The following PSTPIP1 variants were observed in gnomAD, a reference collection of about 807,000 sequenced individuals.
PSTPIP1 encodes the protein proline-serine-threonine phosphatase interacting protein 1.
Under a neutral mutation model 69.6 loss-of-function variants are expected in PSTPIP1, and 66 were observed. The ratio of observed to expected loss-of-function variants is 0.95; its 90% CI spans 0.78 to 1.16. The LOEUF is 1.16. Ranked by LOEUF, PSTPIP1 falls within the 50% of genes most tolerant of loss-of-function variation. The pLI is 0.00. For missense variants in PSTPIP1, 603 were observed against 557.4 expected (o/e 1.08, Z -0.82); for synonymous variants, 266 against 222.7 (o/e 1.19, Z -1.73).
intron 1 of PSTPIP1, among the ~76,000 whole-genome samples, chr15:77,006,111 T>C (rs950214666): frequency 4.6e-5 from 7 of 152,200 alleles, no homozygotes. Flanking sequence ...TTGCTCCATA[T>C]CTTTGCCAAC....
chr15:76,994,691 G>A (rs2075537056), upstream of PSTPIP1: 20 of 1,203,762 alleles, frequency 1.7e-5, no homozygotes, highest in Non-Finnish European at 2.2e-5. Context: ...CCTTGCCTCT[G>A]TGTGCTCACA....
intron 1 of PSTPIP1, among the ~76,000 whole-genome samples, chr15:76,998,296 T>C (rs1052631584): frequency 1.3e-5 from 2 of 152,178 alleles, no homozygotes; most frequent in Admixed American, 1.3e-4. Flanking sequence ...CCTCAGTTAT[T>C]GGGCAACCTC....
Position 77,035,363 on chromosome 15 carries a change from G to A in PSTPIP1, c.930-145G>A, listed in dbSNP as rs2076533791. 3.6e-6 allele frequency: 3 copies of A among 837,530 alleles called. No homozygotes were observed. The African/African-American group carries it at 5.1e-5, about 14-fold the overall frequency. The allele number at this position is 837,530 out of a possible 1,614,324, so 51.9% of individuals were successfully genotyped here. ...CCTGCCTGAGGGGCACCTCATAAAT[G>A]ACATCCATGCCTGGAGGCTAGGGGC... On this transcript the variant is annotated intron_variant, in intron 12 of 14. Transcript: ENST00000558012.
chr15:77,000,155 A>G (rs1357003410), intron 1 of PSTPIP1, among the ~76,000 whole-genome samples: 1 of 152,160 alleles, frequency 6.6e-6, no homozygotes, highest in African/African-American at 2.4e-5. Context: ...CCCCAAGCCC[A>G]TTTAACAGGT....
chr15:77,018,210 G>A lies in PSTPIP1; in HGVS notation c.99G>A (p.Arg33=). The change falls in exon 2 of 15, where the codon AGG becomes AGA. Residue 33 remains arginine (R), a synonymous_variant. Transcript: ENST00000558012. ...EVLLQRLLDG[R]KMCKDMEELL... is the part of the protein sequence containing the mutation. ...TGCTGCAGCGGCTTCTGGATGGCAG[G>A]AAGATGTGCAAAGACATGGAGGAGC... is the stretch of plus-strand genomic sequence containing the variant. The A allele has an allele frequency of 2.5e-6, 4 of 1,589,036 alleles. No individual in the cohort carries two copies. Among genetic ancestry groups the A allele is most frequent in the Non-Finnish European group, 3.4e-6 (4 of 1,168,722 alleles).
chr15:77,018,531 A>G lies in PSTPIP1; in HGVS notation c.212A>G (p.Asn71Ser), dbSNP rs961668608. 6 of 1,561,610 alleles carry G rather than the reference A, an allele frequency of 3.8e-6. No individual in the cohort carries two copies. The African/African-American group carries it at 6.8e-5, about 18-fold the overall frequency. The change falls in exon 3 of 15, where the codon AAC (asparagine) becomes AGC (serine). Residue 71 changes from asparagine to serine, a missense_variant and splice_region_variant. Transcript: ENST00000558012. Reference protein sequence around the residue: ...ARKAGGQTEINSLRASFDSLK... With the variant: ...ARKAGGQTEISSLRASFDSLK... The stretch of plus-strand genomic sequence containing the variant: ...AAGGCAGGTGGCCAGACGGAGATCA[A>G]GTAAGATCTCCCGGGCCCTGGGGCT...
chr15:77,034,630 C>T (rs2076510034), intron 12 of PSTPIP1, among the ~76,000 whole-genome samples: 1 of 152,158 alleles, frequency 6.6e-6, no homozygotes, highest in Non-Finnish European at 1.5e-5. Flanking sequence ...TGCCTCCTCC[C>T]CTGCACCTGA....
chr15:77,004,327 T>A (rs2075772424), intron 1 of PSTPIP1, among the ~76,000 whole-genome samples: 1 of 152,210 alleles, frequency 6.6e-6, no homozygotes, highest in Admixed American at 6.5e-5. Flanking sequence ...TCCACTGGTG[T>A]TGACAGGCCA....
Position 77,035,933 on chromosome 15 carries a change from C to T in PSTPIP1, c.1117C>T (p.Gln373Ter). 1 of 1,597,688 alleles carries T rather than the reference C, an allele frequency of 6.3e-7. No homozygotes were observed. The highest frequency in any genetic ancestry group is 1.7e-5 in the Admixed American group (1 of 57,880). ...CCGGGCGCTCTACGATTATACAGCG[C>T]AGGTGAGGCCTCTATACCCCAAACC... Reference protein sequence around the residue: ...EYRALYDYTAQNPDELDLSAG... With the variant: ...EYRALYDYTA Residue 373 changes from glutamine (Q) to a stop codon, truncating the protein, a stop_gained and splice_region_variant, in exon 14 of 15, where the codon CAG becomes TAG. Coordinates refer to ENST00000558012, the MANE Select transcript of PSTPIP1 (RefSeq NM_003978.5). LOFTEE classifies it high-confidence loss of function.
chr15:77,018,462 A>G lies in PSTPIP1; in HGVS notation c.143A>G (p.Gln48Arg). Reference sequence around the variant, plus strand: ...AAATGCCCTTTTTTTTGCAGGGCCCAGGCGGAGGAGCGGTACGGGAAGGAG... The same window carrying G: ...AAATGCCCTTTTTTTTGCAGGGCCCGGGCGGAGGAGCGGTACGGGAAGGAG... Reference protein sequence around the residue: ...DMEELLRQRAQAEERYGKELV... With the variant: ...DMEELLRQRARAEERYGKELV... The change falls in exon 3 of 15, where the codon CAG (glutamine) becomes CGG (arginine). Residue 48 changes from glutamine to arginine, a missense_variant. Transcript: ENST00000558012. 6.3e-7 allele frequency: 1 copy of G among 1,580,028 alleles called. No individual in the cohort carries two copies. Among genetic ancestry groups the G allele is most frequent in the Non-Finnish European group, 8.6e-7 (1 of 1,162,822 alleles).
chr15:76,999,973 G>A (rs2075662514), intron 1 of PSTPIP1, among the ~76,000 whole-genome samples: 1 of 152,220 alleles, frequency 6.6e-6, no homozygotes, highest in Non-Finnish European at 1.5e-5. Flanking sequence ...TGGGGAGGCT[G>A]GGTCACATGC....
At chr15:77,008,790 TC>T (rs2075872414) in intron 1 of PSTPIP1, among the ~76,000 whole-genome samples, 1 of 152,160 alleles carries the variant, frequency 6.6e-6, no homozygotes, top group Non-Finnish European at 1.5e-5. Flanking sequence ...ACTAGGCTCC[TC>T]ACACAGCCCC....
At chr15:77,034,253 C>T (rs1223532580) in intron 12 of PSTPIP1, among the ~76,000 whole-genome samples, 1 of 152,128 alleles carries the variant, frequency 6.6e-6, no homozygotes, top group Non-Finnish European at 1.5e-5. Flanking sequence ...TTCCCCCTGC[C>T]CTGGCCGCTT....
intron 10 of PSTPIP1, chr15:77,031,553 CCT>C (rs1442344928): frequency 5.9e-6 from 2 of 338,796 alleles, no homozygotes; most frequent in Non-Finnish European, 1.1e-5. Context: ...GCACCTGCCC[CCT>C]CTGCCGGGGA....
Position 77,031,132 on chromosome 15 carries a change from G to A in PSTPIP1, c.643-48G>A, listed in dbSNP as rs184445497. 0.011 allele frequency: 16,647 copies of A among 1,556,068 alleles called. 108 individuals carry two copies. Among genetic ancestry groups the A allele is most frequent in the Middle Eastern group, 0.015 (85 of 5,624 alleles). ...TGTGAATGGGGCCCAGCCTGGCCGG[G>A]CCCTGCAGCCGCCTCCTCACTGCTC... On this transcript the variant is annotated intron_variant, in intron 9 of 14. Transcript: ENST00000558012.
chr15:77,035,700 A>T, intron 13 of PSTPIP1, 102 bp from the exon 14 acceptor site: 1 of 1,483,424 alleles, frequency 6.7e-7, no homozygotes, highest in South Asian at 1.2e-5. Flanking sequence ...GGACAGCAGA[A>T]GGAAGAGGCA....
chr15:77,009,373 G>A (rs2075886638), intron 1 of PSTPIP1, among the ~76,000 whole-genome samples: 1 of 152,198 alleles, frequency 6.6e-6, no homozygotes, highest in Admixed American at 6.5e-5. Flanking sequence ...CCCAAGCCCA[G>A]GGGAGCCTGC....
At chr15:76,994,858 C>T, upstream of PSTPIP1, 1 of 1,289,074 alleles carries the variant, frequency 7.8e-7, no homozygotes, top group African/African-American at 1.5e-5. Flanking sequence ...GGTGGGGAGT[C>T]TGGCATCTCT....
chr15:77,030,632 G>C lies in PSTPIP1; in HGVS notation c.642+51G>C, dbSNP rs1029952708. ...TTTCCCCAGCTGGGAAGTGTGAGAC[G>C]CCCATCCCTACTCCAGCTGCTTAAA... On this transcript the variant is annotated intron_variant, in intron 9 of 14. Transcript: ENST00000558012. 52 of 1,524,666 alleles carry C rather than the reference G, an allele frequency of 3.4e-5. No individual in the cohort carries two copies. The East Asian group carries it at 1.2e-3, about 34-fold the overall frequency. 94.4% of individuals were successfully genotyped at this position (1,524,666 alleles called of 1,614,324 possible).
Sources: gnomAD v4.1 joint callset for allele counts (sites outside exome capture counted in the v4.1 genomes callset) on GRCh38, gnomAD v4.1.1 for gene constraint, MANE v1.5 for transcripts, NCBI Gene and HGNC (gene_info 2026-07-23, HGNC 2026-07-21) for gene names.